The following SIK3 variants were observed in gnomAD, a reference collection of about 807,000 sequenced individuals.
SIK3 encodes the protein SIK family kinase 3.
A neutral mutation model predicts 144.2 loss-of-function variants in SIK3; 28 were observed. That is an observed-to-expected ratio of 0.19 (90% CI 0.14 to 0.27). The LOEUF (loss-of-function observed/expected upper bound fraction) is 0.27. Among genes scored for constraint, SIK3 ranks in the 10% least tolerant of loss-of-function variants. The probability of loss-of-function intolerance (pLI) is 1.00; values close to 1 mark genes in which losing one functional copy is unlikely to be tolerated. For synonymous variants in SIK3, 686 were observed against 676.3 expected, an observed-to-expected ratio of 1.01 and a Z score of -0.22; for missense variants, 1,319 against 1,776.0, an observed-to-expected ratio of 0.74 and a Z score of 4.62.
Position 116,849,352 on chromosome 11 carries a change from G to C in SIK3, c.3656-69C>G. On this transcript the variant is annotated intron_variant, in intron 21 of 24. Transcript: ENST00000445177. This position sits in a 1 kb window ranked among gnomAD's most constrained non-coding sequence, Gnocchi z 4.2. ...CCCAGCACTGGAAACTCCCATCCAA[G>C]AAATGTCTTGCAAGGGACAATGGGC... The C allele has an allele frequency of 6.3e-7, 1 of 1,586,696 alleles. No homozygotes were observed. The highest frequency in any genetic ancestry group is 8.6e-7 in the Non-Finnish European group (1 of 1,160,324).
chr11:116,935,726 G>A (rs1947881679), intron 3 of SIK3, among the ~76,000 whole-genome samples: 1 of 152,138 alleles, frequency 6.6e-6, no homozygotes, highest in Non-Finnish European at 1.5e-5. Flanking sequence ...CATGCTCCAA[G>A]TCAACAGAGG....
intron 15 of SIK3, among the ~76,000 whole-genome samples, chr11:116,866,843 T>C (rs1413758903): frequency 6.6e-6 from 1 of 152,202 alleles, no homozygotes; most frequent in East Asian, 1.9e-4. Flanking sequence ...AGAATTGTCA[T>C]TCTTGCTACT....
In SIK3 at chr11:116,876,318, G is replaced by A. The variant is rs1015277255; in HGVS notation, c.1030C>T (p.Pro344Ser). Residue 344 changes from proline to serine, a missense_variant, in exon 8 of 25, where the codon CCC (proline) becomes TCC (serine). Physicochemically the swap from Pro to Ser is moderately conservative, Grantham distance 74. This residue lies in a region of SIK3 where 109 missense variants were observed against 109.3 expected (regional missense o/e 1.00). Transcript: ENST00000445177. ...QQLKEERQVD[P>S]LNEDVLLAME... is the part of the protein sequence containing the mutation. ...GCCAAGAGGACATCCTCATTCAGGGGGTCCACCTGTCTTTCTTCCTTTAGT... is the reference window on the plus strand; with the variant it reads ...GCCAAGAGGACATCCTCATTCAGGGAGTCCACCTGTCTTTCTTCCTTTAGT... 6.2e-7 allele frequency: 1 copy of A among 1,614,204 alleles called. No homozygotes were observed. Among genetic ancestry groups the A allele is most frequent in the East Asian group, 2.2e-5 (1 of 44,890 alleles).
At chr11:116,882,315 T>C (rs1411599609) in intron 6 of SIK3, among the ~76,000 whole-genome samples, 1 of 152,220 alleles carries the variant, frequency 6.6e-6, no homozygotes, top group Non-Finnish European at 1.5e-5. Flanking sequence ...AACTTATTTA[T>C]ATACTCTAGT....
chr11:116,855,648 G>GCA (rs1172229669), intron 21 of SIK3: 5 of 152,296 alleles, frequency 3.3e-5, no homozygotes, highest in Admixed American at 3.3e-4. Context: ...ACTGTTTGCT[G>GCA]CAGCTATGCT....
At chr11:117,070,769 T>C (rs1468733175) in intron 1 of SIK3, among the ~76,000 whole-genome samples, 1 of 134,502 alleles carries the variant, frequency 7.4e-6, no homozygotes, top group Non-Finnish European at 1.5e-5. Context: ...TTTTTTTTTT[T>C]GTGACGAAGT....
chr11:116,942,409 G>A (rs1948361672), intron 3 of SIK3, among the ~76,000 whole-genome samples: 1 of 151,998 alleles, frequency 6.6e-6, no homozygotes, highest in South Asian at 2.1e-4. Context: ...TTGAAGATTT[G>A]GTAGGAAACA....
chr11:116,898,120 C>G (rs1390283657), intron 4 of SIK3, among the ~76,000 whole-genome samples: 1 of 151,766 alleles, frequency 6.6e-6, no homozygotes, highest in Non-Finnish European at 1.5e-5. Flanking sequence ...GCTATCCCTC[C>G]CCCGTCCCCC....
chr11:116,953,102 A>AC (rs1483597535), intron 3 of SIK3, among the ~76,000 whole-genome samples: 28 of 152,328 alleles, frequency 1.8e-4, no homozygotes, highest in African/African-American at 6.7e-4. Context: ...TTAAAAACAC[A>AC]AACACACACA....
At chr11:117,002,129 T>C (rs915154124) in intron 1 of SIK3, among the ~76,000 whole-genome samples, 1 of 152,202 alleles carries the variant, frequency 6.6e-6, no homozygotes, top group African/African-American at 2.4e-5. Flanking sequence ...CAAAATTCCT[T>C]TCCCCACTTT....
intron 1 of SIK3, among the ~76,000 whole-genome samples, chr11:116,961,255 A>C (rs1485638738): frequency 6.6e-6 from 1 of 152,228 alleles, no homozygotes; most frequent in Non-Finnish European, 1.5e-5. Context: ...CAATGGCATA[A>C]CTGCCTGATA....
intron 1 of SIK3, among the ~76,000 whole-genome samples, chr11:117,031,253 C>G (rs1324526335): frequency 6.6e-6 from 1 of 151,860 alleles, no homozygotes; most frequent in African/African-American, 2.4e-5. Context: ...ACATTTTCTC[C>G]TGTTATTTTC....
intron 6 of SIK3, among the ~76,000 whole-genome samples, chr11:116,892,526 T>C (rs968831376): frequency 2.0e-5 from 3 of 152,184 alleles, no homozygotes; most frequent in Non-Finnish European, 2.9e-5. Context: ...AATATCACTA[T>C]ATACCTATTA....
chr11:116,942,671 A>G (rs549977787), intron 3 of SIK3, among the ~76,000 whole-genome samples: 1 of 152,320 alleles, frequency 6.6e-6, no homozygotes, highest in African/African-American at 2.4e-5. Context: ...GTAGGAAAAG[A>G]GTAATTCAGG....
At position 116,846,634 on chromosome 11, in the gene SIK3, A is replaced by G; in HGVS notation, c.3953-81T>C. On this transcript the variant is annotated intron_variant, in intron 23 of 24. Transcript: ENST00000445177. This position sits in a 1 kb window ranked among gnomAD's most constrained non-coding sequence, Gnocchi z 4.1. ...CAAGGGGGAGAGAGAGGAGGAATTG[A>G]AGGCAACCTGTCGAGCATCCCACAG... 6.5e-7 allele frequency: 1 copy of G among 1,527,918 alleles called. No individual in the cohort carries two copies. Among genetic ancestry groups the G allele is most frequent in the Non-Finnish European group, 9.0e-7 (1 of 1,114,326 alleles). The allele number at this position is 1,527,918 out of a possible 1,614,324, so 94.6% of individuals were successfully genotyped here.
Position 116,857,888 on chromosome 11 carries a change from G to T in SIK3, c.3577C>A (p.His1193Asn). Residue 1193 changes from histidine to asparagine, a missense_variant, in exon 21 of 25, where the codon CAT (histidine) becomes AAT (asparagine). Coordinates refer to ENST00000445177, the MANE Select transcript of SIK3 (RefSeq NM_001366686.3). ...DPESLLGTVS[H>N]AQELGIHPYG... ...GGATGTATCCCCAATTCTTGGGCAT[G>T]ACTCACAGTTCCTAGCAAAGATTCA... 6.2e-7 allele frequency: 1 copy of T among 1,614,194 alleles called. No homozygotes were observed.
intron 1 of SIK3, among the ~76,000 whole-genome samples, chr11:117,070,392 AGT>A (rs1235162842): frequency 3.9e-5 from 6 of 152,178 alleles, no homozygotes; most frequent in Admixed American, 6.5e-5. Flanking sequence ...TCAAGGCTGC[AGT>A]GAGCCATGAT....
At chr11:117,035,142 A>G (rs949760993) in intron 1 of SIK3, among the ~76,000 whole-genome samples, 2 of 152,202 alleles carry the variant, frequency 1.3e-5, no homozygotes, top group African/African-American at 4.8e-5. Context: ...TAGGCTATAT[A>G]TCATTAATGT....
At chr11:116,985,011 T>C (rs570092778) in intron 1 of SIK3, among the ~76,000 whole-genome samples, 1 of 152,326 alleles carries the variant, frequency 6.6e-6, no homozygotes, top group East Asian at 1.9e-4. Context: ...AAGTTTTCTA[T>C]GTGTGAAAAG....
Sources: allele counts gnomAD v4.1 joint callset (sites outside exome capture counted in the v4.1 genomes callset), GRCh38; gene constraint gnomAD v4.1.1; regional missense constraint gnomAD v4.1.1; non-coding constraint Gnocchi (gnomAD v3.1); transcripts MANE v1.5; gene names NCBI Gene and HGNC (gene_info 2026-07-23, HGNC 2026-07-21).